Variants in C6 observed in about 807,000 individuals in gnomAD.
C6 encodes complement component C6.
C6 carries 101 observed loss-of-function variants against 112.9 expected under a neutral mutation model. The observed-to-expected ratio is 0.89, with a 90% CI of 0.76 to 1.06. The LOEUF (loss-of-function observed/expected upper bound fraction) is 1.06. Among genes scored for constraint, C6 ranks in the 50% least tolerant of loss-of-function variants. The pLI, the probability that C6 is intolerant of heterozygous loss-of-function variation, is 0.00. For missense variants in C6, 1,202 were observed against 1,104.6 expected (o/e 1.09, Z -1.25); for synonymous variants, 431 against 384.1 (o/e 1.12, Z -1.43).
Position 41,203,153 on chromosome 5 carries a change from G to A in C6, c.78C>T (p.His26=), listed in dbSNP as rs778131381. The A allele has an allele frequency of 2.9e-5, 46 of 1,613,990 alleles. No homozygotes were observed. The highest frequency in any genetic ancestry group is 3.7e-5 in the Non-Finnish European group (44 of 1,179,998). The change falls in exon 2 of 18, where the codon CAC becomes CAT. Residue 26 remains histidine, a synonymous_variant. Coordinates refer to ENST00000337836, the MANE Select transcript of C6 (RefSeq NM_000065.5). ...AGCTGGTCCACTGAGTCCATGCATA[G>A]TGATCACAGAAGCAGGCTTGGCCCT... The part of the protein sequence containing the change: ...INKGQACFCD[H]YAWTQWTSCS...
At chr5:41,247,658 C>A (rs1252664690) in intron 1 of C6, among the ~76,000 whole-genome samples, 8 of 149,368 alleles carry the variant, frequency 5.4e-5, no homozygotes, top group Non-Finnish European at 1.2e-4. Context: ...GTGGAGCCTG[C>A]AGTGAGCCGA....
intron 10 of C6, among the ~76,000 whole-genome samples, chr5:41,160,631 A>G (rs1747399754): frequency 6.6e-6 from 1 of 152,142 alleles, no homozygotes; most frequent in Non-Finnish European, 1.5e-5. Flanking sequence ...GTTATATATC[A>G]TGTTATTTAT....
intron 6 of C6, among the ~76,000 whole-genome samples, chr5:41,182,293 C>T (rs548239599): frequency 1.3e-5 from 2 of 148,812 alleles, no homozygotes; most frequent in Admixed American, 6.7e-5. Flanking sequence ...TTCATCATCA[C>T]ACCAGTCAGG....
intron 1 of C6, among the ~76,000 whole-genome samples, chr5:41,242,307 G>A (rs372551958): frequency 1.8e-4 from 27 of 152,054 alleles, no homozygotes; most frequent in African/African-American, 6.5e-4. Context: ...TCTTATAAGC[G>A]TCTGGCATTT....
In C6 at chr5:41,142,961, T is replaced by C. The variant is rs200883086; in HGVS notation, c.2669A>G (p.Lys890Arg). 1.2e-6 allele frequency: 2 copies of C among 1,613,646 alleles called. No individual in the cohort carries two copies. Among genetic ancestry groups the C allele is most frequent in the Non-Finnish European group, 1.7e-6 (2 of 1,179,758 alleles). ...CVCLLPPQCF[K>R]GGNQLYCVKM... The stretch of plus-strand genomic sequence containing the variant: ...GACACAGTAGAGTTGGTTTCCACCC[T>C]TGAAGCACTGTGGGGGCAATAGGCA... The change falls in exon 18 of 18, where the codon AAG (lysine) becomes AGG (arginine). Residue 890 changes from lysine to arginine, a missense_variant. Transcript: ENST00000337836.
chr5:41,172,460 C>A, intron 8 of C6, 113 bp from the exon 9 acceptor site: 3 of 998,256 alleles, frequency 3.0e-6, no homozygotes, highest in South Asian at 1.4e-5. Context: ...TAGCCCCTCT[C>A]TTCCCCAGTC....
chr5:41,195,780 G>C lies in C6; in HGVS notation c.587+12C>G. 1.2e-6 allele frequency: 2 copies of C among 1,612,900 alleles called. No individual in the cohort carries two copies. The highest frequency in any genetic ancestry group is 1.1e-5 in the South Asian group (1 of 91,080). ...CCTGTTCTCCCCAAGATGATAAAAA[G>C]ATGTTACATACCCATTGCCCATCAA... On this transcript the variant is annotated intron_variant, in intron 5 of 17. Transcript: ENST00000337836.
At chr5:41,146,004 C>G (rs1341780046) in intron 17 of C6, among the ~76,000 whole-genome samples, 2 of 152,160 alleles carry the variant, frequency 1.3e-5, no homozygotes, top group African/African-American at 2.4e-5. Flanking sequence ...CCTTCCAGAC[C>G]AGAAGATATT....
chr5:41,176,574 T>C lies in C6; in HGVS notation c.1069A>G (p.Ile357Val). 1 of 1,613,964 alleles carries C rather than the reference T, an allele frequency of 6.2e-7. No homozygotes were observed. The highest frequency in any genetic ancestry group is 8.5e-7 in the Non-Finnish European group (1 of 1,179,892). The change falls in exon 8 of 18, where the codon ATA becomes GTA. Residue 357 changes from isoleucine (I) to valine (V), a missense_variant. By Grantham distance (29) the Ile-to-Val change is conservative. Transcript: ENST00000337836. ...TAATGAGTCCCAAAGTCATCGAATA[T>C]TCGGCTGTACAAAGCAGAGTTGTAT... The part of the protein sequence containing the change: ...LEYNSALYSR[I>V]FDDFGTHYFT...
chr5:41,142,977 G>A lies in C6; in HGVS notation c.2653C>T (p.Pro885Ser), dbSNP rs1434921124. 1 of 1,613,420 alleles carries A rather than the reference G, an allele frequency of 6.2e-7. No homozygotes were observed. The highest frequency in any genetic ancestry group is 8.5e-7 in the Non-Finnish European group (1 of 1,179,632). ...ASTSKCVCLL[P>S]PQCFKGGNQL... ...TTTCCACCCTTGAAGCACTGTGGGGGCAATAGGCAGACACATTTGGAAGTG... is the reference window on the plus strand; with the variant it reads ...TTTCCACCCTTGAAGCACTGTGGGGACAATAGGCAGACACATTTGGAAGTG... Residue 885 changes from proline to serine, a missense_variant, in exon 18 of 18, where the codon CCC (proline) becomes TCC (serine). Transcript: ENST00000337836.
In C6 at chr5:41,176,352, A is replaced by C. The variant is rs149170637; in HGVS notation, c.1168+123T>G. ...TGTATTTTTTATCATTCTTCATATC[A>C]TTTTGGAAATAAAGCAGGATCTAAA... On this transcript the variant is annotated intron_variant, in intron 8 of 17. Transcript: ENST00000337836. The C allele has an allele frequency of 1.6e-3, 1,609 of 1,001,868 alleles. 2 individuals carry two copies. Among genetic ancestry groups the C allele is most frequent in the Non-Finnish European group, 1.9e-3 (1,305 of 683,852 alleles). The allele number at this position is 1,001,868 out of a possible 1,614,324, so 62.1% of individuals were successfully genotyped here.
chr5:41,234,284 A>G (rs1361226508), intron 1 of C6, among the ~76,000 whole-genome samples: 1 of 151,686 alleles, frequency 6.6e-6, no homozygotes, highest in Non-Finnish European at 1.5e-5. Flanking sequence ...AATAATGTTC[A>G]TGGGAAAATC....
upstream of C6, among the ~76,000 whole-genome samples, chr5:41,216,249 C>A (rs988153535): frequency 6.6e-6 from 1 of 152,098 alleles, no homozygotes; most frequent in African/African-American, 2.4e-5. Context: ...ATACAACCAG[C>A]CTACACCAAC....
At chr5:41,227,792 T>C (rs1739615590) in intron 1 of C6, among the ~76,000 whole-genome samples, 1 of 152,182 alleles carries the variant, frequency 6.6e-6, no homozygotes, top group African/African-American at 2.4e-5. Context: ...TATGTGGATT[T>C]ATTTCTAGGT....
intron 1 of C6, among the ~76,000 whole-genome samples, chr5:41,249,855 G>A (rs1741236906): frequency 6.6e-6 from 1 of 151,980 alleles, no homozygotes; most frequent in Non-Finnish European, 1.5e-5. Context: ...CTAACTTACA[G>A]GAGTACTCAT....
chr5:41,210,947 T>C (rs1044926941), intron 1 of C6, among the ~76,000 whole-genome samples: 2 of 152,336 alleles, frequency 1.3e-5, no homozygotes, highest in Non-Finnish European at 2.9e-5. Context: ...CATATGTTTA[T>C]TGTGGCACTA....
At chr5:41,246,133 C>T (rs1308984501) in intron 1 of C6, among the ~76,000 whole-genome samples, 1 of 152,102 alleles carries the variant, frequency 6.6e-6, no homozygotes, top group African/African-American at 2.4e-5. Flanking sequence ...TTACCAGGGC[C>T]TCCTTTTCGG....
At position 41,201,720 on chromosome 5, in the gene C6, AC is replaced by A. The variant is rs1561163824; in HGVS notation, c.144-7del. 6.2e-7 allele frequency: 1 copy of A among 1,612,924 alleles called. No homozygotes were observed. The highest frequency in any genetic ancestry group is 8.5e-7 in the Non-Finnish European group (1 of 1,179,188). On this transcript the variant is annotated splice_polypyrimidine_tract_variant and splice_region_variant and intron_variant, in intron 2 of 17. Coordinates refer to ENST00000337836, the MANE Select transcript of C6 (RefSeq NM_000065.5). ...ACTTATCTACTACTATTTGTCTGTA[AC>A]CATGAAGAAGAAGTTGCTTAGAATG...
rs1436236647 is a variant in C6 at position 41,227,478 on chromosome 5, C to G, written c.-20-24228G>C. ...GTTGGATGTAATCTCATTTACCTAT[C>G]TTTGCTTTTGTTGCCTGTGCTTTTG... On this transcript the variant is annotated intron_variant, in intron 1 of 17. Transcript: ENST00000263413. Among the ~76,000 whole-genome samples, 3 of 152,168 alleles carry G rather than the reference C, an allele frequency of 2.0e-5. No homozygotes were observed. In the South Asian group the frequency reaches 6.2e-4, roughly 32 times the overall value.
Sources: allele counts gnomAD v4.1 joint callset (sites outside exome capture counted in the v4.1 genomes callset), GRCh38; gene constraint gnomAD v4.1.1; transcripts MANE v1.5; gene names NCBI Gene and HGNC (gene_info 2026-07-23, HGNC 2026-07-21).